Variants in ATF7IP2 observed in about 807,000 individuals in gnomAD.
The protein encoded by ATF7IP2 is activating transcription factor 7 interacting protein 2.
In ATF7IP2, 42 loss-of-function variants were observed where a neutral mutation model predicts 64.2. That is an observed-to-expected ratio of 0.65 (90% CI 0.51 to 0.85). The LOEUF is 0.85. Among genes scored for constraint, ATF7IP2 ranks in the 40% least tolerant of loss-of-function variants. ATF7IP2 has a pLI of 0.00. For synonymous variants in ATF7IP2, 308 were observed against 272.8 expected, an observed-to-expected ratio of 1.13 and a Z score of -1.27; for missense variants, 933 against 784.2, an observed-to-expected ratio of 1.19 and a Z score of -2.27.
intron 8 of ATF7IP2, among the ~76,000 whole-genome samples, chr16:10,453,512 G>A (rs902477837): frequency 3.9e-5 from 6 of 152,222 alleles, no homozygotes; most frequent in Non-Finnish European, 8.8e-5. Context: ...GCTGCAGACC[G>A]GAGCTGTTCC....
At chr16:10,436,191 G>C (rs146628336) in intron 6 of ATF7IP2, among the ~76,000 whole-genome samples, 136 of 152,278 alleles carry the variant, frequency 8.9e-4, no homozygotes, top group African/African-American at 3.0e-3. Flanking sequence ...GTGAAACCCT[G>C]TCTCGGCTAA....
At chr16:10,431,486 A>T (rs1481716632) in intron 5 of ATF7IP2, 31 bp downstream of exon 5, 1 of 1,408,368 alleles carries the variant, frequency 7.1e-7, no homozygotes. Flanking sequence ...CTTTTAGAAA[A>T]ATTAAAATAG....
At chr16:10,424,253 G>A (rs899973752) in intron 3 of ATF7IP2, among the ~76,000 whole-genome samples, 9 of 152,164 alleles carry the variant, frequency 5.9e-5, no homozygotes, top group African/African-American at 2.2e-4. Flanking sequence ...TAGCCATCAC[G>A]AGCCTGTCAC....
At chr16:10,451,362 G>C (rs2048978188) in intron 8 of ATF7IP2, among the ~76,000 whole-genome samples, 1 of 152,124 alleles carries the variant, frequency 6.6e-6, no homozygotes, top group Non-Finnish European at 1.5e-5. Flanking sequence ...ATGTTGGCCT[G>C]TCTTGCTAGG....
chr16:10,409,571 C>T (rs1272662580), intron 1 of ATF7IP2, among the ~76,000 whole-genome samples: 1 of 151,878 alleles, frequency 6.6e-6, no homozygotes, highest in Non-Finnish European at 1.5e-5. Context: ...AGACTACAGG[C>T]CCCTGCAACC....
intron 1 of ATF7IP2, among the ~76,000 whole-genome samples, chr16:10,413,832 G>A (rs2047818582): frequency 6.6e-6 from 1 of 152,176 alleles, no homozygotes; most frequent in East Asian, 1.9e-4. Context: ...GCTGATAATT[G>A]TTTTGTTAAG....
intron 9 of ATF7IP2, among the ~76,000 whole-genome samples, chr16:10,460,561 TATATGTG>T (rs2049341827): frequency 6.6e-6 from 1 of 152,188 alleles, no homozygotes; most frequent in African/African-American, 2.4e-5. Flanking sequence ...TGTATGTATG[TATATGTG>T]ATATGTGATG....
chr16:10,449,653 C>A (rs2141976341), intron 8 of ATF7IP2: 1 of 152,124 alleles, frequency 6.6e-6, no homozygotes, highest in South Asian at 2.1e-4. Context: ...GTGGTGATAT[C>A]CCCTTTATGA....
At chr16:10,452,987 A>C (rs1567481811) in intron 8 of ATF7IP2, among the ~76,000 whole-genome samples, 1 of 152,068 alleles carries the variant, frequency 6.6e-6, no homozygotes, top group Non-Finnish European at 1.5e-5. Context: ...TGGCAGCGAG[A>C]ATTTCAAGCC....
chr16:10,451,647 C>G (rs143998062), intron 8 of ATF7IP2, among the ~76,000 whole-genome samples: 370 of 152,102 alleles, frequency 2.4e-3, no homozygotes, highest in African/African-American at 7.3e-3. Flanking sequence ...ATGAAGTTCT[C>G]ATACCGTGTT....
intron 3 of ATF7IP2, among the ~76,000 whole-genome samples, chr16:10,426,509 A>G (rs992055350): frequency 2.0e-5 from 3 of 152,216 alleles, no homozygotes; most frequent in East Asian, 1.9e-4. Context: ...TGTAATGTTA[A>G]TGACCATTTA....
In ATF7IP2 at chr16:10,421,965, A is replaced by G. The variant is rs149704550; in HGVS notation, c.-160+2342A>G. Among the ~76,000 whole-genome samples, 458 of 152,318 alleles carry G rather than the reference A, an allele frequency of 3.0e-3. 4 individuals are homozygous for G. Among genetic ancestry groups the G allele is most frequent in the African/African-American group, 0.01 (434 of 41,564 alleles). ...TTAAATCTATGACTATTAAAGGCCA[A>G]TTTTTCAGAATCATAGCAGGAGAAG... On this transcript the variant is annotated intron_variant, in intron 3 of 13. Transcript: ENST00000562102.
chr16:10,438,725 T>A, intron 7 of ATF7IP2, among the ~76,000 whole-genome samples: 1 of 152,150 alleles, frequency 6.6e-6, no homozygotes, highest in Non-Finnish European at 1.5e-5. Flanking sequence ...TACTCAGAAC[T>A]GTTAGGCATT....
intron 9 of ATF7IP2, among the ~76,000 whole-genome samples, chr16:10,471,198 G>T (rs2049785749): frequency 1.3e-5 from 2 of 152,108 alleles, no homozygotes; most frequent in African/African-American, 4.8e-5. Context: ...ATACACCTAA[G>T]TACAAACAGT....
In ATF7IP2 at chr16:10,437,257, G is replaced by T. The variant is rs187471373; in HGVS notation, c.961-844G>T. ...GCTGGTCTTCAACTCCTGACCTCGT[G>T]ATCTGCCCACCTCGGCCTCCCAGAG... On this transcript the variant is annotated intron_variant, in intron 6 of 13. Transcript: ENST00000562102. Among the ~76,000 whole-genome samples, 6 of 152,256 alleles carry T rather than the reference G, an allele frequency of 3.9e-5. No homozygotes were observed. In the East Asian group the frequency reaches 9.7e-4, roughly 24 times the overall value.
intron 9 of ATF7IP2, among the ~76,000 whole-genome samples, chr16:10,469,209 T>C (rs189657671): frequency 1.2e-4 from 18 of 152,108 alleles, no homozygotes; most frequent in Non-Finnish European, 2.2e-4. Context: ...GCAGACGACC[T>C]AAAAGAGCTA....
intron 12 of ATF7IP2, among the ~76,000 whole-genome samples, chr16:10,475,357 A>G (rs1029320993): frequency 6.6e-6 from 1 of 152,186 alleles, no homozygotes; most frequent in African/African-American, 2.4e-5. Flanking sequence ...AATAGAAGTA[A>G]AGCTAAGAAA....
In ATF7IP2 at chr16:10,482,162, T is replaced by C. The variant is rs747031755; in HGVS notation, c.1962T>C (p.Phe654=). The change falls in exon 14 of 14, where the codon TTT becomes TTC. Residue 654 remains phenylalanine, a synonymous_variant. Transcript: ENST00000562102. ...TTTTAGCTTCCAACAGATACTATTT[T>C]ACTGTCCAATCAAAAGATATTTTTG... ...SQFLASNRYY[F]TVQSKDIFGR... 1 of 1,613,110 alleles carries C rather than the reference T, an allele frequency of 6.2e-7. No homozygotes were observed. The highest frequency in any genetic ancestry group is 1.1e-5 in the South Asian group (1 of 91,054).
chr16:10,474,551 CAG>C (rs1216063897), intron 12 of ATF7IP2, among the ~76,000 whole-genome samples: 1 of 151,982 alleles, frequency 6.6e-6, no homozygotes, highest in Non-Finnish European at 1.5e-5. Flanking sequence ...AAAATGTAGA[CAG>C]AGAGTGACAA....
Sources: gnomAD v4.1 joint callset for allele counts (sites outside exome capture counted in the v4.1 genomes callset) on GRCh38, gnomAD v4.1.1 for gene constraint, MANE v1.5 for transcripts, NCBI Gene and HGNC (gene_info 2026-07-23, HGNC 2026-07-21) for gene names.